The following RABGAP1L variants were observed in gnomAD, a reference collection of about 807,000 sequenced individuals.
RABGAP1L encodes rab GTPase-activating protein 1-like.
In RABGAP1L, 63 loss-of-function variants were observed where a neutral mutation model predicts 137.7. That is an observed-to-expected ratio of 0.46 (90% confidence interval 0.37 to 0.56). The LOEUF (loss-of-function observed/expected upper bound fraction) is 0.56. Among genes scored for constraint, RABGAP1L ranks in the 20% least tolerant of loss-of-function variants. The pLI, the probability that RABGAP1L is intolerant of heterozygous loss-of-function variation, is 0.00. For missense variants in RABGAP1L, 1,095 were observed against 1,244.0 expected (o/e 0.88, Z 1.80); for synonymous variants, 431 against 433.7 (o/e 0.99, Z 0.08).
chr1:174,808,312 G>A (rs912110498), intron 18 of RABGAP1L, among the ~76,000 whole-genome samples: 1 of 151,972 alleles, frequency 6.6e-6, no homozygotes, highest in Non-Finnish European at 1.5e-5. Flanking sequence ...AAACGTAGCT[G>A]GCATGGTGGC....
intron 13 of RABGAP1L, among the ~76,000 whole-genome samples, chr1:174,482,696 C>T (rs1386097302): frequency 2.0e-5 from 3 of 152,238 alleles, no homozygotes; most frequent in Middle Eastern, 3.4e-3. Context: ...AGGCCGGTCT[C>T]GAACTGCTGG....
At position 174,867,349 on chromosome 1, in the gene RABGAP1L, AAGATAGAT is replaced by A. The variant is rs1175116413; in HGVS notation, c.2340+55403_2340+55410del. On this transcript the variant is annotated intron_variant, in intron 19 of 25. Coordinates refer to ENST00000681986, the MANE Select transcript of RABGAP1L (RefSeq NM_001366446.1). Reference sequence around the variant, plus strand: ...TGGGCCGAGATCGCGCCAAAAAAAAAAGATAGATAGATAGATAGATACTGTTGGATGCA... The same window carrying A: ...TGGGCCGAGATCGCGCCAAAAAAAAAAGATAGATAGATACTGTTGGATGCA... Among the ~76,000 whole-genome samples the A allele has an allele frequency of 2.0e-5, 3 of 151,978 alleles. No individual in the cohort carries two copies. In the East Asian group the frequency reaches 5.8e-4, roughly 29 times the overall value.
chr1:174,334,948 C>A (rs551884186), intron 11 of RABGAP1L, among the ~76,000 whole-genome samples: 7 of 152,130 alleles, frequency 4.6e-5, no homozygotes, highest in African/African-American at 1.7e-4. Flanking sequence ...ATTAATTATT[C>A]TTATATATGG....
intron 1 of RABGAP1L, among the ~76,000 whole-genome samples, chr1:174,187,138 C>T (rs1666864176): frequency 6.6e-6 from 1 of 152,100 alleles, no homozygotes; most frequent in African/African-American, 2.4e-5. Context: ...CTTTTGAGGT[C>T]TCTTCTCAAA....
At chr1:174,859,482 C>CAAAAAAAAAAAAAA (rs35464065) in intron 19 of RABGAP1L, among the ~76,000 whole-genome samples, 59 of 133,148 alleles carry the variant, frequency 4.4e-4, no homozygotes, top group Middle Eastern at 4.5e-3. Context: ...GACTCCATCT[C>CAAAAAAAAAAAAAA]AAAAAAAAAG....
intron 19 of RABGAP1L, among the ~76,000 whole-genome samples, chr1:174,832,866 T>C (rs1692260289): frequency 6.6e-6 from 1 of 152,256 alleles, no homozygotes; most frequent in South Asian, 2.1e-4. Context: ...TTTGTAGTGA[T>C]AGCAACCACC....
intron 11 of RABGAP1L, among the ~76,000 whole-genome samples, chr1:174,336,488 G>A (rs1264417823): frequency 6.6e-6 from 1 of 152,166 alleles, no homozygotes; most frequent in Non-Finnish European, 1.5e-5. Flanking sequence ...AACTTTTAAA[G>A]AAAAGATAAT....
intron 13 of RABGAP1L, among the ~76,000 whole-genome samples, chr1:174,624,742 G>A (rs946746711): frequency 1.3e-5 from 2 of 151,964 alleles, no homozygotes; most frequent in Non-Finnish European, 2.9e-5. Flanking sequence ...CCACTTCAGG[G>A]CCTTTCACAT....
At chr1:174,526,996 A>G (rs1381165125) in intron 13 of RABGAP1L, among the ~76,000 whole-genome samples, 1 of 152,036 alleles carries the variant, frequency 6.6e-6, no homozygotes, top group African/African-American at 2.4e-5. Context: ...TGCTTTTGCT[A>G]TATCCCACAC....
At chr1:174,300,529 C>CAAAAAA (rs34220318) in intron 10 of RABGAP1L, among the ~76,000 whole-genome samples, 31 of 84,232 alleles carry the variant, frequency 3.7e-4, no homozygotes, top group Non-Finnish European at 3.4e-4. Context: ...AACTCCATCT[C>CAAAAAA]AAAAAAAAAA....
At chr1:174,257,026 C>T (rs1378957528) in intron 7 of RABGAP1L, among the ~76,000 whole-genome samples, 1 of 152,002 alleles carries the variant, frequency 6.6e-6, no homozygotes, top group Non-Finnish European at 1.5e-5. Flanking sequence ...GATATAGATT[C>T]CTAAATTTAA....
At chr1:174,569,266 G>C (rs1667808258) in intron 13 of RABGAP1L, among the ~76,000 whole-genome samples, 1 of 152,150 alleles carries the variant, frequency 6.6e-6, no homozygotes, top group Admixed American at 6.6e-5. Flanking sequence ...AAAAAGAGTT[G>C]TGAATAATTT....
In RABGAP1L at chr1:174,859,699, G is replaced by A. The variant is rs375233651; in HGVS notation, c.2340+47739G>A. ...CACCGGGGACTACCAGAGGGCAGAG[G>A]GTAGGAGGGAGAGGATCAGGAAAAA... On this transcript the variant is annotated intron_variant, in intron 19 of 25. Transcript: ENST00000681986. Among the ~76,000 whole-genome samples the A allele has an allele frequency of 6.6e-5, 10 of 152,066 alleles. 1 individual carries two copies. The East Asian group carries it at 1.9e-3, about 29-fold the overall frequency.
At chr1:174,977,132 A>G (rs1455648519) in intron 22 of RABGAP1L, among the ~76,000 whole-genome samples, 1 of 152,244 alleles carries the variant, frequency 6.6e-6, no homozygotes, top group African/African-American at 2.4e-5. Flanking sequence ...ATCTACATCC[A>G]AGCAACCAGA....
chr1:174,720,471 G>A (rs1183990085), intron 17 of RABGAP1L, among the ~76,000 whole-genome samples: 1 of 151,884 alleles, frequency 6.6e-6, no homozygotes, highest in Non-Finnish European at 1.5e-5. Flanking sequence ...ATGCCACTAT[G>A]GGCCTGGCTA....
chr1:174,733,781 G>C (rs1376206789), intron 17 of RABGAP1L, among the ~76,000 whole-genome samples: 1 of 152,156 alleles, frequency 6.6e-6, no homozygotes, highest in Non-Finnish European at 1.5e-5. Context: ...CCCTTAAAGG[G>C]ATCACTCCGG....
intron 10 of RABGAP1L, among the ~76,000 whole-genome samples, chr1:174,298,535 C>G (rs991507276): frequency 1.3e-5 from 2 of 152,044 alleles, no homozygotes; most frequent in Admixed American, 1.3e-4. Context: ...TCCTTCAGAT[C>G]CAATTTTCTT....
intron 17 of RABGAP1L, among the ~76,000 whole-genome samples, chr1:174,720,295 A>G (rs1011729571): frequency 6.7e-6 from 1 of 148,370 alleles, no homozygotes; most frequent in African/African-American, 2.6e-5. Context: ...ATAGATAGAC[A>G]GACAGATAGT....
chr1:174,861,431 T>C (rs1650250812), intron 19 of RABGAP1L, among the ~76,000 whole-genome samples: 1 of 152,206 alleles, frequency 6.6e-6, no homozygotes, highest in Non-Finnish European at 1.5e-5. Context: ...AGTGCAAATA[T>C]CTCTTCGAGA....
Sources: gnomAD v4.1 joint callset for allele counts (sites outside exome capture counted in the v4.1 genomes callset) on GRCh38, gnomAD v4.1.1 for gene constraint, MANE v1.5 for transcripts, NCBI Gene and HGNC (gene_info 2026-07-23, HGNC 2026-07-21) for gene names.